The following IMPG1 variants were observed in gnomAD, a reference collection of about 807,000 sequenced individuals.
IMPG1 encodes the protein interphotoreceptor matrix proteoglycan of 150 kDa.
A neutral mutation model predicts 92.0 loss-of-function variants in IMPG1; 85 were observed. The ratio of observed to expected loss-of-function variants is 0.92; its 90% CI spans 0.78 to 1.11. The LOEUF (loss-of-function observed/expected upper bound fraction) is 1.11, where lower values mean the gene tolerates loss of function less well. Among genes scored for constraint, IMPG1 ranks in the 50% least tolerant of loss-of-function variants. The pLI, the probability that IMPG1 is intolerant of heterozygous loss-of-function variation, is 0.00. For synonymous variants in IMPG1, 367 were observed against 334.1 expected, an observed-to-expected ratio of 1.10 and a Z score of -1.08; for missense variants, 1,022 against 956.0, an observed-to-expected ratio of 1.07 and a Z score of -0.91.
Position 76,007,442 on chromosome 6 carries a change from G to A in IMPG1, c.887+38C>T, listed in dbSNP as rs746466657. 2.0e-6 allele frequency: 3 copies of A among 1,499,430 alleles called. No homozygotes were observed. In the African/African-American group the frequency reaches 4.2e-5, roughly 21 times the overall value. The allele number at this position is 1,499,430 out of a possible 1,614,324, so 92.9% of individuals were successfully genotyped here. A position where few individuals can be genotyped will look rare whatever the true frequency, so the allele number is the denominator to read the frequency against. The stretch of plus-strand genomic sequence containing the variant: ...TCAGTATATAAATTTGGGGGAGACG[G>A]GAATGTACTATATTTCAAAACTTAA... On this transcript the variant is annotated intron_variant, in intron 9 of 16. Coordinates refer to ENST00000369950, the MANE Select transcript of IMPG1 (RefSeq NM_001563.4).
chr6:75,988,127 G>C (rs559253968), intron 12 of IMPG1, among the ~76,000 whole-genome samples: 1 of 152,286 alleles, frequency 6.6e-6, no homozygotes, highest in South Asian at 2.1e-4. Flanking sequence ...AATCCTTTGG[G>C]TATATACCTA....
rs781353377 is a variant in IMPG1, at chr6:75,950,674, C to T, written c.1712G>A (p.Arg571Gln). 11 of 1,613,830 alleles carry T rather than the reference C, an allele frequency of 6.8e-6. No homozygotes were observed. The highest frequency in any genetic ancestry group is 3.3e-5 in the South Asian group (3 of 91,052). ...CAGACTGAAGAACACTACCAGCTCT[C>T]GGCCCTTGGGGGCAATGGTCATAGA... ...TSSMTIAPKG[R>Q]ELVVFFSLRV... The change falls in exon 13 of 17, where the codon CGA becomes CAA. Residue 571 changes from arginine to glutamine, a missense_variant. By Grantham distance (43) the Arg-to-Gln change is conservative. Around this residue, in one of 3 missense-constraint regions of IMPG1, gnomAD observed 332 missense variants for 346.2 expected, o/e 0.96. Coordinates refer to ENST00000369950, the MANE Select transcript of IMPG1 (RefSeq NM_001563.4).
chr6:75,963,491 G>C (rs1253627461), intron 12 of IMPG1, among the ~76,000 whole-genome samples: 1 of 152,178 alleles, frequency 6.6e-6, no homozygotes, highest in East Asian at 1.9e-4. Context: ...TTCAAACGCA[G>C]TTATAAGAAA....
chr6:76,068,971 G>T (rs538768516), intron 1 of IMPG1, among the ~76,000 whole-genome samples: 1 of 151,836 alleles, frequency 6.6e-6, no homozygotes, highest in Non-Finnish European at 1.5e-5. Context: ...AAAGCTAGAG[G>T]CATCACATTT....
intron 12 of IMPG1, among the ~76,000 whole-genome samples, chr6:75,962,140 G>A (rs1782221188): frequency 6.6e-6 from 1 of 151,592 alleles, no homozygotes; most frequent in Non-Finnish European, 1.5e-5. Context: ...TGTTTTTTGA[G>A]ACAGGTTCTT....
intron 4 of IMPG1, among the ~76,000 whole-genome samples, chr6:76,033,135 A>G (rs1274897305): frequency 6.6e-6 from 1 of 152,216 alleles, no homozygotes; most frequent in Non-Finnish European, 1.5e-5. Flanking sequence ...AGAGGAGACC[A>G]GGAGCCAGAC....
intron 15 of IMPG1, 43 bp downstream of exon 15, chr6:75,930,910 G>T: frequency 6.6e-7 from 1 of 1,520,268 alleles, no homozygotes; most frequent in Non-Finnish European, 9.1e-7. Flanking sequence ...AGAAGTGTAA[G>T]TAATGAGTTC....
At chr6:75,960,745 C>T (rs557987460) in intron 12 of IMPG1, among the ~76,000 whole-genome samples, 1 of 152,200 alleles carries the variant, frequency 6.6e-6, no homozygotes, top group African/African-American at 2.4e-5. Context: ...CAGACCAGTC[C>T]AACATTGTAT....
chr6:75,996,810 A>G (rs939429945), intron 12 of IMPG1, among the ~76,000 whole-genome samples: 14 of 152,204 alleles, frequency 9.2e-5, no homozygotes, highest in Non-Finnish European at 2.9e-5. Flanking sequence ...AAGTTGATCT[A>G]CTCATAGAAA....
intron 12 of IMPG1, among the ~76,000 whole-genome samples, chr6:75,964,185 C>A (rs561472573): frequency 1.3e-5 from 2 of 152,152 alleles, no homozygotes; most frequent in African/African-American, 2.4e-5. Flanking sequence ...CTCTGTCTGA[C>A]CTTCAAAGTT....
intron 1 of IMPG1, among the ~76,000 whole-genome samples, chr6:76,061,758 T>A (rs1784210532): frequency 6.6e-6 from 1 of 152,176 alleles, no homozygotes; most frequent in Non-Finnish European, 1.5e-5. Flanking sequence ...ATGAAATTAT[T>A]TAGGTGAAAT....
rs1781437642 is a variant in IMPG1 at position 75,921,941 on chromosome 6, A to G, written c.*148T>C. On this transcript the variant is annotated 3_prime_UTR_variant, in exon 17 of 17. Transcript: ENST00000369950. ...TGGTTGCCAAGTACATGACTCTTCT[A>G]TATTTGAAATATGGTGTGTGCTGAT... The G allele has an allele frequency of 5.4e-6, 3 of 559,460 alleles. No individual in the cohort carries two copies. The highest frequency in any genetic ancestry group is 2.0e-5 in the African/African-American group (1 of 51,148). The allele number at this position is 559,460 out of a possible 1,614,324, so 34.7% of individuals were successfully genotyped here. A position where few individuals can be genotyped will look rare whatever the true frequency, so the allele number is the denominator to read the frequency against.
intron 12 of IMPG1, among the ~76,000 whole-genome samples, chr6:75,972,407 C>T (rs1335435766): frequency 7.2e-6 from 1 of 138,806 alleles, no homozygotes; most frequent in Non-Finnish European, 1.6e-5. Context: ...CATAACCCAT[C>T]CCAACCCTTT....
chr6:75,935,081 C>A (rs1243092314), intron 14 of IMPG1: 1 of 465,070 alleles, frequency 2.2e-6, no homozygotes, highest in Non-Finnish European at 4.5e-6. Context: ...TGCGATGAAA[C>A]CTAGTTCTCG....
intron 8 of IMPG1, among the ~76,000 whole-genome samples, chr6:76,010,896 C>T (rs1246518772): frequency 1.3e-5 from 2 of 152,154 alleles, no homozygotes; most frequent in Non-Finnish European, 2.9e-5. Flanking sequence ...ACCACATGAC[C>T]AAAGACAGCA....
intron 1 of IMPG1, among the ~76,000 whole-genome samples, chr6:76,063,128 C>T (rs879657187): frequency 1.3e-5 from 2 of 151,958 alleles, no homozygotes; most frequent in Non-Finnish European, 2.9e-5. Context: ...CGCTGGAACA[C>T]AGGAGGCAGA....
At chr6:76,022,378 GA>G (rs926190948) in intron 5 of IMPG1, among the ~76,000 whole-genome samples, 159 bp from the exon 6 acceptor site, 48 of 152,068 alleles carry the variant, frequency 3.2e-4, no homozygotes, top group African/African-American at 1.1e-3. Context: ...ATATGTTCTT[GA>G]AAAAATATGA....
chr6:75,957,134 G>T (rs904685573), intron 12 of IMPG1, among the ~76,000 whole-genome samples: 1 of 152,126 alleles, frequency 6.6e-6, no homozygotes, highest in Non-Finnish European at 1.5e-5. Flanking sequence ...TGGCCTGACT[G>T]GTCTTGAACT....
intron 2 of IMPG1, among the ~76,000 whole-genome samples, chr6:76,037,671 T>C (rs1313112827): frequency 6.6e-6 from 1 of 152,244 alleles, no homozygotes; most frequent in Non-Finnish European, 1.5e-5. Context: ...TTGCTAGCCT[T>C]CTTTCTTACA....
Sources: gnomAD v4.1 joint callset for allele counts (sites outside exome capture counted in the v4.1 genomes callset) on GRCh38, gnomAD v4.1.1 for gene constraint, gnomAD v4.1.1 regional missense constraint, MANE v1.5 for transcripts, NCBI Gene and HGNC (gene_info 2026-07-23, HGNC 2026-07-21) for gene names.